The following CTNNA2 variants were observed in gnomAD, a reference collection of about 807,000 sequenced individuals.
The protein encoded by CTNNA2 is catenin alpha-2.
In CTNNA2, 42 loss-of-function variants were observed where a neutral mutation model predicts 101.0. The ratio of observed to expected loss-of-function variants is 0.42; its 90% CI spans 0.32 to 0.54. CTNNA2 has a LOEUF of 0.54. CTNNA2 is among the 20% of genes least tolerant of loss of function. CTNNA2 has a pLI of 0.14. For missense variants in CTNNA2, 871 were observed against 1,223.1 expected (o/e 0.71, Z 4.29); for synonymous variants, 450 against 456.4 (o/e 0.99, Z 0.18).
intron 7 of CTNNA2, among the ~76,000 whole-genome samples, chr2:79,938,139 C>G (rs972918772): frequency 6.6e-6 from 1 of 152,168 alleles, no homozygotes; most frequent in Non-Finnish European, 1.5e-5. Context: ...CTCCCATCTC[C>G]CAACCAAGGA....
chr2:80,319,313 T>TG, intron 7 of CTNNA2, among the ~76,000 whole-genome samples: 1 of 152,188 alleles, frequency 6.6e-6, no homozygotes, highest in East Asian at 1.9e-4. Flanking sequence ...ACCAGTTTTT[T>TG]TTTGTTGTTG....
chr2:80,102,148 G>C (rs1573083456), intron 7 of CTNNA2, among the ~76,000 whole-genome samples: 1 of 152,182 alleles, frequency 6.6e-6, no homozygotes, highest in Admixed American at 6.5e-5. Flanking sequence ...AGTAGGCAAT[G>C]AGTATTTGTT....
chr2:79,336,313 T>A (rs1676993473), intron 3 of CTNNA2, among the ~76,000 whole-genome samples: 1 of 152,184 alleles, frequency 6.6e-6, no homozygotes, highest in Admixed American at 6.5e-5. Flanking sequence ...GCTTGCAATA[T>A]TCCTTCGTGT....
chr2:79,837,548 G>T (rs1679473355), intron 3 of CTNNA2, among the ~76,000 whole-genome samples: 1 of 152,024 alleles, frequency 6.6e-6, no homozygotes, highest in Non-Finnish European at 1.5e-5. Flanking sequence ...AATACCATGT[G>T]CCAATGATCT....
intron 4 of CTNNA2, among the ~76,000 whole-genome samples, chr2:79,475,041 A>G (rs72921123): frequency 6.6e-6 from 1 of 152,330 alleles, no homozygotes; most frequent in African/African-American, 2.4e-5. Flanking sequence ...ATAAAAATGT[A>G]TGAATACTAC....
chr2:80,360,822 A>T (rs1674330812), intron 7 of CTNNA2, among the ~76,000 whole-genome samples: 1 of 152,066 alleles, frequency 6.6e-6, no homozygotes, highest in Non-Finnish European at 1.5e-5. Flanking sequence ...TGTCATGGAG[A>T]TCTATGCAGA....
intron 6 of CTNNA2, among the ~76,000 whole-genome samples, chr2:79,902,746 C>G (rs1685148136): frequency 6.6e-6 from 1 of 152,032 alleles, no homozygotes; most frequent in Non-Finnish European, 1.5e-5. Flanking sequence ...CCTGCCTCAG[C>G]CTCCCAAGTT....
intron 9 of CTNNA2, among the ~76,000 whole-genome samples, chr2:80,433,657 A>G (rs986701417): frequency 3.1e-4 from 47 of 151,342 alleles, no homozygotes; most frequent in Non-Finnish European, 6.0e-4. Flanking sequence ...CATAAGTTAA[A>G]CTCTTGTTTT....
At chr2:80,631,287 T>G (rs1408410283) in intron 18 of CTNNA2, among the ~76,000 whole-genome samples, 1 of 152,110 alleles carries the variant, frequency 6.6e-6, no homozygotes, top group Admixed American at 6.6e-5. Flanking sequence ...TATTGGAAGT[T>G]AAAGGTAGTA....
At chr2:80,028,330 C>G (rs1695073817) in intron 7 of CTNNA2, 1 of 152,216 alleles carries the variant, frequency 6.6e-6, no homozygotes, top group African/African-American at 2.4e-5. Flanking sequence ...CAGTCTCCTC[C>G]AGCTCCCTGA....
intron 3 of CTNNA2, chr2:79,339,759 T>A (rs1349573840): frequency 6.6e-6 from 1 of 152,148 alleles, no homozygotes; most frequent in Non-Finnish European, 1.5e-5. Flanking sequence ...CTGCCTGATT[T>A]ACAACGTGAA....
intron 18 of CTNNA2, among the ~76,000 whole-genome samples, chr2:80,620,777 T>C (rs1671040534): frequency 6.6e-6 from 1 of 151,932 alleles, no homozygotes; most frequent in Non-Finnish European, 1.5e-5. Flanking sequence ...TTAATGTCTT[T>C]TATCAACCCC....
At chr2:80,368,817 A>C in intron 7 of CTNNA2, among the ~76,000 whole-genome samples, 1 of 148,402 alleles carries the variant, frequency 6.7e-6, no homozygotes, top group East Asian at 2.0e-4. Context: ...GAAAAACAGT[A>C]TGTGTATATA....
At chr2:79,852,685 G>A (rs1257869372) in intron 3 of CTNNA2, among the ~76,000 whole-genome samples, 8 of 152,312 alleles carry the variant, frequency 5.3e-5, no homozygotes, top group South Asian at 4.1e-4. Flanking sequence ...TCCGCCTTCC[G>A]GGTTCAAGTG....
intron 7 of CTNNA2, among the ~76,000 whole-genome samples, chr2:79,925,467 G>T (rs1265915682): frequency 6.6e-6 from 1 of 151,980 alleles, no homozygotes; most frequent in African/African-American, 2.4e-5. Flanking sequence ...GTGATTATTA[G>T]CATTCCTTAA....
intron 7 of CTNNA2, among the ~76,000 whole-genome samples, chr2:80,146,730 T>G (rs1157496881): frequency 1.9e-4 from 23 of 119,732 alleles, no homozygotes; most frequent in African/African-American, 6.6e-4. Context: ...TTTTTTTTTT[T>G]TTTTTTTTTT....
At chr2:79,212,936 T>G (rs1172468990) in intron 2 of CTNNA2, among the ~76,000 whole-genome samples, 3 of 152,144 alleles carry the variant, frequency 2.0e-5, no homozygotes, top group African/African-American at 7.2e-5. Context: ...GAGGATAGAT[T>G]TCCATGATGC....
At chr2:79,788,662 AACAT>A (rs1675035179) in intron 3 of CTNNA2, among the ~76,000 whole-genome samples, 1 of 152,188 alleles carries the variant, frequency 6.6e-6, no homozygotes, top group African/African-American at 2.4e-5. Flanking sequence ...TATACCTACA[AACAT>A]ACATATGTAT....
chr2:79,510,241 G>A, upstream of CTNNA2, among the ~76,000 whole-genome samples: 1 of 152,068 alleles, frequency 6.6e-6, no homozygotes, highest in East Asian at 1.9e-4. Flanking sequence ...GAAGAAAATT[G>A]CTTGTTTTTC....
Sources: gnomAD v4.1 joint callset for allele counts (sites outside exome capture counted in the v4.1 genomes callset) on GRCh38, gnomAD v4.1.1 for gene constraint, MANE v1.5 for transcripts, NCBI Gene and HGNC (gene_info 2026-07-23, HGNC 2026-07-21) for gene names.